The following SF3B3 variants were observed in gnomAD, a reference collection of about 807,000 sequenced individuals.
The protein encoded by SF3B3 is splicing factor 3b subunit 3.
A neutral mutation model predicts 139.2 loss-of-function variants in SF3B3; 33 were observed. The ratio of observed to expected loss-of-function variants is 0.24; its 90% CI spans 0.18 to 0.32. The LOEUF is 0.32. SF3B3 is among the 10% of genes least tolerant of loss of function. The probability of loss-of-function intolerance (pLI) is 1.00; values close to 1 mark genes in which losing one functional copy is unlikely to be tolerated. For missense variants in SF3B3, 818 were observed against 1,509.4 expected, an observed-to-expected ratio of 0.54 and a Z score of 7.59; for synonymous variants, 596 against 563.6, an observed-to-expected ratio of 1.06 and a Z score of -0.81.
chr16:70,541,617 C>G (rs374212620), intron 8 of SF3B3, 52 bp from the exon 9 acceptor site: 1 of 1,417,280 alleles, frequency 7.1e-7, no homozygotes, highest in Non-Finnish European at 9.9e-7. Context: ...CAGACATTAT[C>G]GTCAGGCAGA....
chr16:70,529,292 T>C (rs1051590032), intron 3 of SF3B3, 93 bp downstream of exon 3: 3 of 1,037,826 alleles, frequency 2.9e-6, no homozygotes, highest in Non-Finnish European at 4.3e-6. Context: ...ATTACTTATG[T>C]GGGTTTGGCA....
chr16:70,567,099 C>G (rs1309828043), intron 20 of SF3B3, among the ~76,000 whole-genome samples: 1 of 152,034 alleles, frequency 6.6e-6, no homozygotes, highest in Non-Finnish European at 1.5e-5. Context: ...TTTCCTGTCC[C>G]TCCACAAATT....
chr16:70,538,270 G>T, intron 6 of SF3B3, 53 bp from the exon 7 acceptor site: 1 of 1,543,368 alleles, frequency 6.5e-7, no homozygotes, highest in South Asian at 1.1e-5. Flanking sequence ...CTGAATTCCA[G>T]AACTAAGAAG....
chr16:70,546,607 C>T (rs905997351), intron 10 of SF3B3, among the ~76,000 whole-genome samples: 4 of 152,002 alleles, frequency 2.6e-5, no homozygotes, highest in South Asian at 2.1e-4. Flanking sequence ...GCCGAGATCA[C>T]GCCACTGTAC....
chr16:70,541,230 A>G (rs777019830), intron 8 of SF3B3, among the ~76,000 whole-genome samples: 2 of 152,106 alleles, frequency 1.3e-5, no homozygotes, highest in Non-Finnish European at 2.9e-5. Context: ...TTTATTGGCC[A>G]TTTGTGTATC....
chr16:70,574,377 C>G lies in SF3B3; in HGVS notation c.*2564C>G, dbSNP rs1329860963. The G allele has an allele frequency of 6.6e-6, 1 of 152,096 alleles. No individual in the cohort carries two copies. Among genetic ancestry groups the G allele is most frequent in the Non-Finnish European group, 1.5e-5 (1 of 68,066 alleles). 9.4% of individuals were successfully genotyped at this position (152,096 alleles called of 1,614,324 possible). A position where few individuals can be genotyped will look rare whatever the true frequency, so the allele number is the denominator to read the frequency against. On this transcript the variant is annotated 3_prime_UTR_variant, in exon 26 of 26. Transcript: ENST00000302516. ...TTTTAAACTTTTGTAGAGACAGGGT[C>G]TCCCTGTGTTGCCCAGGCTGGCCTC...
rs746103431 is a variant in SF3B3 at position 70,561,611 on chromosome 16, GT to G, written c.2134-9del. Reference sequence around the variant, plus strand: ...TTTTCCCAAACCTTATTGGAGCTGGGTTTTTTTTTTCCCCTCAGGTATTGGC... The same window carrying G: ...TTTTCCCAAACCTTATTGGAGCTGGGTTTTTTTTTCCCCTCAGGTATTGGC... On this transcript the variant is annotated intron_variant, in intron 16 of 25. Transcript: ENST00000302516. 795 of 1,460,462 alleles carry G rather than the reference GT, an allele frequency of 5.4e-4. No homozygotes were observed. The highest frequency in any genetic ancestry group is 1.8e-3 in the African/African-American group (127 of 70,158). 90.5% of individuals were successfully genotyped at this position (1,460,462 alleles called of 1,614,324 possible).
At chr16:70,545,481 T>C (rs2050259545) in intron 10 of SF3B3, among the ~76,000 whole-genome samples, 2 of 152,230 alleles carry the variant, frequency 1.3e-5, no homozygotes, top group African/African-American at 4.8e-5. Context: ...CTAAAAGTTA[T>C]CTTCTTGAAT....
chr16:70,524,340 T>C (rs2050027027), intron 1 of SF3B3, among the ~76,000 whole-genome samples: 1 of 152,116 alleles, frequency 6.6e-6, no homozygotes, highest in Admixed American at 6.5e-5. Flanking sequence ...GAATTTGTAT[T>C]TTGGTAGTTG....
rs2050543110 is a variant in SF3B3, at chr16:70,572,894, C to T, written c.*1081C>T. On this transcript the variant is annotated 3_prime_UTR_variant, in exon 26 of 26. Transcript: ENST00000302516. ...CCTGTTTAGTTGTGTGGGAAGCCCT[C>T]GTCTTCCAGGCTGTCCTTGCGCCTT... is the stretch of plus-strand genomic sequence containing the variant. 6.6e-6 allele frequency: 1 copy of T among 152,216 alleles called. No homozygotes were observed. The highest frequency in any genetic ancestry group is 1.5e-5 in the Non-Finnish European group (1 of 68,064). The allele number at this position is 152,216 out of a possible 1,614,324, so 9.4% of individuals were successfully genotyped here.
chr16:70,539,925 C>A (rs909760484), intron 8 of SF3B3, among the ~76,000 whole-genome samples: 1 of 151,228 alleles, frequency 6.6e-6, no homozygotes, highest in Non-Finnish European at 1.5e-5. Flanking sequence ...TGCAGGCATG[C>A]GTCACTATGC....
At chr16:70,569,929 G>A in intron 23 of SF3B3, 77 bp from the exon 24 acceptor site, 1 of 1,522,952 alleles carries the variant, frequency 6.6e-7, no homozygotes, top group Non-Finnish European at 9.0e-7. Context: ...TGTGCCTTAG[G>A]GAGCACTGCT....
chr16:70,525,096 CTCGGCTTACTG>C (rs2050044245), intron 1 of SF3B3: 4 of 152,510 alleles, frequency 2.6e-5, no homozygotes, highest in Admixed American at 2.6e-4. Flanking sequence ...GCGGCTTGAT[CTCGGCTTACTG>C]CAGCCTCCTC....
At chr16:70,552,558 A>G (rs2050337747) in intron 11 of SF3B3, among the ~76,000 whole-genome samples, 3 of 152,218 alleles carry the variant, frequency 2.0e-5, no homozygotes, top group Admixed American at 2.0e-4. Context: ...CATTTGATAT[A>G]TGTTGACAGT....
intron 5 of SF3B3, among the ~76,000 whole-genome samples, chr16:70,533,558 AG>A (rs2050140746): frequency 6.6e-6 from 1 of 152,198 alleles, no homozygotes; most frequent in Non-Finnish European, 1.5e-5. Context: ...ACGTTTTTGG[AG>A]GAGCTAAAAA....
chr16:70,531,920 G>A (rs944907912), intron 4 of SF3B3, among the ~76,000 whole-genome samples: 5 of 152,262 alleles, frequency 3.3e-5, no homozygotes, highest in Non-Finnish European at 5.9e-5. Context: ...TTTGGCGTCA[G>A]CCAGGTGTGG....
Position 70,571,209 on chromosome 16 carries a change from G to C in SF3B3, c.3513+10G>C. ...CTACTTCCCTGTGAAGGTAGGTTGGGGGAATCTGAGCTGAAAAGGGAGATC... is the reference window on the plus strand; with the variant it reads ...CTACTTCCCTGTGAAGGTAGGTTGGCGGAATCTGAGCTGAAAAGGGAGATC... On this transcript the variant is annotated intron_variant, in intron 25 of 25. Transcript: ENST00000302516. 6.4e-7 allele frequency: 1 copy of C among 1,573,770 alleles called. No homozygotes were observed. The highest frequency in any genetic ancestry group is 1.1e-5 in the South Asian group (1 of 90,330).
intron 4 of SF3B3, among the ~76,000 whole-genome samples, chr16:70,531,180 A>G (rs567165345): frequency 2.6e-5 from 4 of 151,828 alleles, no homozygotes; most frequent in Admixed American, 1.3e-4. Context: ...AGGCAGGAGA[A>G]TGGCGTGAAC....
In SF3B3 at chr16:70,526,496, G is replaced by T. The variant is rs904693330; in HGVS notation, c.-70-91G>T. On this transcript the variant is annotated intron_variant, in intron 1 of 25. Coordinates refer to ENST00000302516, the MANE Select transcript of SF3B3 (RefSeq NM_012426.5). ...GTTTCTTAATAGGGCTTGCTCTGCT[G>T]GTTCTGCTGTCTTCATCCAGAATTT... is the stretch of plus-strand genomic sequence containing the variant. 1.0e-4 allele frequency: 62 copies of T among 599,274 alleles called. No homozygotes were observed. The East Asian group carries it at 1.8e-3, about 17-fold the overall frequency. 37.1% of individuals were successfully genotyped at this position (599,274 alleles called of 1,614,324 possible). A position where few individuals can be genotyped will look rare whatever the true frequency, so the allele number is the denominator to read the frequency against.
Sources: gnomAD v4.1 joint callset for allele counts (sites outside exome capture counted in the v4.1 genomes callset) on GRCh38, gnomAD v4.1.1 for gene constraint, MANE v1.5 for transcripts, NCBI Gene and HGNC (gene_info 2026-07-23, HGNC 2026-07-21) for gene names.